Variants in RET observed in about 807,000 individuals in gnomAD.
RET encodes the protein ret proto-oncogene.
Under a neutral mutation model 118.3 loss-of-function variants are expected in RET, and 19 were observed. That is an observed-to-expected ratio of 0.16 (90% confidence interval 0.11 to 0.24). The LOEUF is 0.24. Among genes scored for constraint, RET ranks in the 10% least tolerant of loss-of-function variants. The probability of loss-of-function intolerance (pLI) is 1.00; values close to 1 mark genes in which losing one functional copy is unlikely to be tolerated. For synonymous variants in RET, 597 were observed against 644.1 expected, an observed-to-expected ratio of 0.93 and a Z score of 1.11; for missense variants, 1,219 against 1,502.1, an observed-to-expected ratio of 0.81 and a Z score of 3.12.
At chr10:43,077,414 C>T in intron 1 of RET, 83 bp downstream of exon 1, 1 of 1,436,858 alleles carries the variant, frequency 7.0e-7, no homozygotes, top group South Asian at 1.3e-5. Context: ...TCAGAAGCGC[C>T]TTTCTGTTTG....
chr10:43,124,212 A>C (rs1452911744), intron 17 of RET, among the ~76,000 whole-genome samples: 1 of 152,026 alleles, frequency 6.6e-6, no homozygotes, highest in African/African-American at 2.4e-5. Flanking sequence ...AAACCTTTAC[A>C]CTCTCAGGGG....
rs1384965836 is a variant in RET, at chr10:43,077,252, A to C, written c.-7A>C. 6.7e-7 allele frequency: 1 copy of C among 1,500,476 alleles called. No homozygotes were observed. Among genetic ancestry groups the C allele is most frequent in the Admixed American group, 2.1e-5 (1 of 47,600 alleles). The allele number at this position is 1,500,476 out of a possible 1,614,324, so 92.9% of individuals were successfully genotyped here. A position where few individuals can be genotyped will look rare whatever the true frequency, so the allele number is the denominator to read the frequency against. On this transcript the variant is annotated 5_prime_UTR_variant, in exon 1 of 20. Coordinates refer to ENST00000355710, the MANE Select transcript of RET (RefSeq NM_020975.6). ...CCCTCCAGCCGTGGCCCCAGCGCGCACGGGCGATGGCGAAGGCGACGTCCG... is the reference window on the plus strand; with the variant it reads ...CCCTCCAGCCGTGGCCCCAGCGCGCCCGGGCGATGGCGAAGGCGACGTCCG...
At chr10:43,101,770 CAG>C (rs755696109) in intron 2 of RET, among the ~76,000 whole-genome samples, 32 of 152,314 alleles carry the variant, frequency 2.1e-4, no homozygotes, top group South Asian at 4.1e-4. Context: ...TTAATTACAA[CAG>C]GGGATTGGAG....
chr10:43,118,564 T>C, intron 13 of RET, 84 bp downstream of exon 13: 3 of 991,780 alleles, frequency 3.0e-6, no homozygotes. Context: ...TCTTTCTCCC[T>C]TTCCCTACTG....
chr10:43,123,523 G>A, intron 16 of RET, 148 bp from the exon 17 acceptor site: 4 of 1,103,492 alleles, frequency 3.6e-6, no homozygotes, highest in Non-Finnish European at 5.5e-6. Flanking sequence ...CATCTGAGCA[G>A]CCAGACCCAG....
intron 1 of RET, among the ~76,000 whole-genome samples, chr10:43,091,820 A>G (rs1356699271): frequency 1.3e-5 from 1 of 75,246 alleles, no homozygotes; most frequent in Admixed American, 1.4e-4. Flanking sequence ...GATGTCTACT[A>G]TCAAAAAAAA....
rs1313457558 is a variant in RET at position 43,105,037 on chromosome 10, C to T, written c.711C>T (p.Tyr237=). Reference sequence around the variant, plus strand: ...TGGACCGCGAGCAGCGGGAGAAGTACGAGCTGGTGGCCGTGTGCACCGTGC... The same window carrying T: ...TGGACCGCGAGCAGCGGGAGAAGTATGAGCTGGTGGCCGTGTGCACCGTGC... ...WALDREQREK[Y]ELVAVCTVHA... is the part of the protein sequence containing the mutation. Residue 237 remains tyrosine (Y), a synonymous_variant, in exon 4 of 20, where the codon TAC becomes TAT. Transcript: ENST00000355710. 6.2e-7 allele frequency: 1 copy of T among 1,605,836 alleles called. No individual in the cohort carries two copies. Among genetic ancestry groups the T allele is most frequent in the Non-Finnish European group, 8.5e-7 (1 of 1,179,040 alleles).
chr10:43,112,049 C>A (rs781263491), intron 7 of RET, 50 bp from the exon 8 acceptor site: 1 of 1,564,626 alleles, frequency 6.4e-7, no homozygotes, highest in Non-Finnish European at 8.6e-7. Flanking sequence ...ACTAGCTGGA[C>A]GCTGGGCCCA....
chr10:43,112,283 G>A (rs1837957648), intron 8 of RET, 59 bp downstream of exon 8: 1 of 1,527,924 alleles, frequency 6.5e-7, no homozygotes, highest in South Asian at 1.2e-5. Flanking sequence ...GTGGAAACGG[G>A]GTCCTGGGGC....
At chr10:43,125,127 T>C (rs2133020016) in intron 18 of RET, 145 bp downstream of exon 18, 1 of 800,656 alleles carries the variant, frequency 1.2e-6, no homozygotes, top group Non-Finnish European at 2.1e-6. Context: ...TGCTCTCCCC[T>C]GCATGCAGAC....
intron 1 of RET, among the ~76,000 whole-genome samples, chr10:43,086,788 A>G (rs1837297359): frequency 1.3e-5 from 2 of 152,264 alleles, no homozygotes; most frequent in Non-Finnish European, 2.9e-5. Context: ...AGCGCCCATC[A>G]TCCTGGCCAG....
At chr10:43,111,490 G>T (rs753456819) in intron 7 of RET, 25 bp downstream of exon 7, 1 of 1,600,058 alleles carries the variant, frequency 6.2e-7, no homozygotes, top group South Asian at 1.1e-5. Context: ...CAGGGAGGGA[G>T]GGTCGGGGTC....
Position 43,105,095 on chromosome 10 carries a change from C to A in RET, c.769C>A (p.Pro257Thr), listed in dbSNP as rs773964804. ...CGCGCGCGAGGAGGTGGTGATGGTG[C>A]CCTTCCCGGTGACCGTGTACGACGA... ...AGAREEVVMVPFPVTVYDEDD... is the reference protein window; with the variant it reads ...AGAREEVVMVTFPVTVYDEDD... Residue 257 changes from proline to threonine, a missense_variant, in exon 4 of 20, where the codon CCC (proline) becomes ACC (threonine). Physicochemically the swap from Pro to Thr is conservative, Grantham distance 38. Coordinates refer to ENST00000355710, the MANE Select transcript of RET (RefSeq NM_020975.6). The A allele has an allele frequency of 1.2e-6, 2 of 1,612,018 alleles. No homozygotes were observed. Among genetic ancestry groups the A allele is most frequent in the Admixed American group, 3.3e-5 (2 of 59,984 alleles).
intron 12 of RET, among the ~76,000 whole-genome samples, 185 bp downstream of exon 12, chr10:43,116,916 C>T (rs992377663): frequency 6.6e-6 from 1 of 152,254 alleles, no homozygotes; most frequent in African/African-American, 2.4e-5. Flanking sequence ...TTTGCTCTCC[C>T]TGGAAGGCTC....
chr10:43,111,203 CT>C lies in RET; in HGVS notation c.1264-3del, dbSNP rs1837912264. ...GGCTAAGGTGTTCCCCTGTGCCCCC[CT>C]AGATCGGGAAAGTCTGTGTGGAAAA... On this transcript the variant is annotated splice_polypyrimidine_tract_variant and splice_region_variant and intron_variant, in intron 6 of 19. Transcript: ENST00000355710. 3 of 1,613,660 alleles carry C rather than the reference CT, an allele frequency of 1.9e-6. No homozygotes were observed. Among genetic ancestry groups the C allele is most frequent in the Non-Finnish European group, 2.5e-6 (3 of 1,179,900 alleles).
chr10:43,109,264 T>C (rs1588869608), intron 6 of RET, 34 bp downstream of exon 6: 1 of 1,602,482 alleles, frequency 6.2e-7, no homozygotes, highest in Non-Finnish European at 8.5e-7. Flanking sequence ...CTGGGGAAGA[T>C]TGAAAGGCCA....
At chr10:43,104,725 CG>C in intron 3 of RET, 1 of 664,866 alleles carries the variant, frequency 1.5e-6, no homozygotes, top group African/African-American at 1.8e-5. Flanking sequence ...TGCAGCAGGA[CG>C]TAAGCACAGT....
intron 6 of RET, 49 bp downstream of exon 6, chr10:43,109,279 A>T (rs767966440): frequency 6.4e-7 from 1 of 1,572,138 alleles, no homozygotes; most frequent in Non-Finnish European, 8.7e-7. Flanking sequence ...AGGCCAAGGG[A>T]CATGGGGGCA....
In RET at chr10:43,109,207, A is replaced by G. The variant is rs1183925225; in HGVS notation, c.1240A>G (p.Arg414Gly). 1 of 1,613,540 alleles carries G rather than the reference A, an allele frequency of 6.2e-7. No homozygotes were observed. Among genetic ancestry groups the G allele is most frequent in the South Asian group, 1.1e-5 (1 of 91,074 alleles). Reference sequence around the variant, plus strand: ...CAGTACCTACTCCCTCTCCGTGAGCAGGAGGGCTCGCCGATTTGCCCAGGT... The same window carrying G: ...CAGTACCTACTCCCTCTCCGTGAGCGGGAGGGCTCGCCGATTTGCCCAGGT... ...LPSTYSLSVSRRARRFAQIGK... is the reference protein window; with the variant it reads ...LPSTYSLSVSGRARRFAQIGK... Residue 414 changes from arginine (R) to glycine (G), a missense_variant, in exon 6 of 20, where the codon AGG becomes GGG. Physicochemically the swap from Arg to Gly is moderately radical, Grantham distance 125. Around this residue, in one of 5 missense-constraint regions of RET, gnomAD observed 850 missense variants for 969.6 expected, o/e 0.88. Coordinates refer to ENST00000355710, the MANE Select transcript of RET (RefSeq NM_020975.6).
Sources: allele counts gnomAD v4.1 joint callset (sites outside exome capture counted in the v4.1 genomes callset), GRCh38; gene constraint gnomAD v4.1.1; regional missense constraint gnomAD v4.1.1; transcripts MANE v1.5; gene names NCBI Gene and HGNC (gene_info 2026-07-23, HGNC 2026-07-21).